The following PTPRN2 variants were observed in gnomAD, a reference collection of about 807,000 sequenced individuals.
PTPRN2 encodes the protein protein tyrosine phosphatase receptor type N2.
A neutral mutation model predicts 118.8 loss-of-function variants in PTPRN2; 74 were observed. The ratio of observed to expected loss-of-function variants is 0.62; its 90% CI spans 0.52 to 0.76. The LOEUF (loss-of-function observed/expected upper bound fraction) is 0.76, where lower values mean the gene tolerates loss of function less well. Ranked by LOEUF, PTPRN2 falls within the 30% of genes least tolerant of loss-of-function variation. The pLI is 0.00. For synonymous variants in PTPRN2, 641 were observed against 608.0 expected (o/e 1.05, Z -0.80); for missense variants, 1,481 against 1,394.4 (o/e 1.06, Z -0.99).
At chr7:157,574,465 A>G (rs1415117820) in intron 19 of PTPRN2, 1 of 516,082 alleles carries the variant, frequency 1.9e-6, no homozygotes, top group Non-Finnish European at 4.1e-6. Flanking sequence ...TACCGTGAGC[A>G]GCGTTAGTGA....
intron 2 of PTPRN2, among the ~76,000 whole-genome samples, chr7:158,453,542 G>A (rs1228597360): frequency 2.6e-5 from 4 of 152,224 alleles, no homozygotes; most frequent in Non-Finnish European, 5.9e-5. Flanking sequence ...ATGAGATGGT[G>A]TGGAACCATA....
chr7:158,145,431 C>T (rs183828804), intron 6 of PTPRN2, among the ~76,000 whole-genome samples: 2 of 152,356 alleles, frequency 1.3e-5, no homozygotes, highest in African/African-American at 4.8e-5. Flanking sequence ...CCACACTCAA[C>T]CATATGAACA....
chr7:158,361,792 C>T (rs1809002943), intron 2 of PTPRN2, among the ~76,000 whole-genome samples: 1 of 152,144 alleles, frequency 6.6e-6, no homozygotes, highest in Non-Finnish European at 1.5e-5. Context: ...GGTGTGGGCT[C>T]ACCTTCACCA....
Position 157,726,953 on chromosome 7 carries a change from T to C in PTPRN2, c.1789-44016A>G, listed in dbSNP as rs1213002461. ...GGGGAAGCATGATTCCTCAGTGCAA[T>C]TCCACCTCATGCCATGTGCGTGACT... On this transcript the variant is annotated intron_variant, in intron 12 of 22. Transcript: ENST00000389418. 2.0e-5 allele frequency among the ~76,000 whole-genome samples: 3 copies of C among 152,200 alleles called. No individual in the cohort carries two copies. The East Asian group carries it at 5.8e-4, about 29-fold the overall frequency.
intron 9 of PTPRN2, 101 bp from the exon 10 acceptor site, chr7:158,111,016 C>T (rs1816213646): frequency 2.0e-6 from 2 of 1,003,682 alleles, no homozygotes; most frequent in Non-Finnish European, 2.9e-6. Context: ...GGTCCCCACA[C>T]ACACCCTGCT....
At chr7:157,680,314 A>G (rs1796859051) in intron 13 of PTPRN2, among the ~76,000 whole-genome samples, 2 of 152,250 alleles carry the variant, frequency 1.3e-5, no homozygotes, top group Admixed American at 1.3e-4. Context: ...TGAGCCAGAA[A>G]TAAATACATT....
intron 2 of PTPRN2, among the ~76,000 whole-genome samples, chr7:158,472,869 CGGCGG>C (rs984143754): frequency 6.6e-5 from 10 of 152,124 alleles, no homozygotes; most frequent in African/African-American, 9.7e-5. Flanking sequence ...GCAGCAGTGG[CGGCGG>C]GGCGGGGGCC....
chr7:157,698,876 T>G (rs777453103), intron 12 of PTPRN2, among the ~76,000 whole-genome samples: 1 of 152,252 alleles, frequency 6.6e-6, no homozygotes, highest in Non-Finnish European at 1.5e-5. Flanking sequence ...TTTTCAAAAC[T>G]GAGCTAAAAT....
In PTPRN2 at chr7:158,278,388, C is replaced by T. The variant is rs139895677; in HGVS notation, c.277+38431G>A. 6.2e-3 allele frequency among the ~76,000 whole-genome samples: 912 copies of T among 147,762 alleles called. 7 individuals carry two copies. The highest frequency in any genetic ancestry group is 8.7e-3 in the Admixed American group (131 of 15,136). On this transcript the variant is annotated intron_variant, in intron 3 of 22. Coordinates refer to ENST00000389418, the MANE Select transcript of PTPRN2 (RefSeq NM_002847.5). ...TTCAGCTGGACGTGAAGGTGGGCAC[C>T]TGTAATCCCAGCTACGCGGGAGGCT...
chr7:158,392,205 C>T (rs923869366), intron 2 of PTPRN2, among the ~76,000 whole-genome samples: 2 of 152,248 alleles, frequency 1.3e-5, no homozygotes, highest in Non-Finnish European at 2.9e-5. Flanking sequence ...AGGGTGAGGA[C>T]TCTGATGTGG....
chr7:158,186,211 A>G (rs1028367663), intron 5 of PTPRN2, among the ~76,000 whole-genome samples: 2 of 152,312 alleles, frequency 1.3e-5, no homozygotes, highest in Non-Finnish European at 2.9e-5. Context: ...TCCAATGCGC[A>G]TGAAAGAAGC....
intron 1 of PTPRN2, among the ~76,000 whole-genome samples, chr7:158,496,244 C>T (rs1821839720): frequency 7.2e-6 from 1 of 139,586 alleles, no homozygotes; most frequent in Admixed American, 7.1e-5. Context: ...CCTCCCCTTC[C>T]CTGCACCCCT....
intron 14 of PTPRN2, among the ~76,000 whole-genome samples, chr7:157,652,349 A>G (rs1392819936): frequency 6.6e-6 from 1 of 152,218 alleles, no homozygotes. Flanking sequence ...CCCTCACAGG[A>G]ACCCCAGGGG....
At chr7:158,372,219 C>G (rs1424439188) in intron 2 of PTPRN2, among the ~76,000 whole-genome samples, 6 of 151,608 alleles carry the variant, frequency 4.0e-5, no homozygotes, top group Non-Finnish European at 7.4e-5. Context: ...GAGCTGGACA[C>G]CCCCAGGCTG....
chr7:158,387,575 T>TA (rs61116708), intron 2 of PTPRN2, among the ~76,000 whole-genome samples: 3 of 150,826 alleles, frequency 2.0e-5, no homozygotes, highest in African/African-American at 7.3e-5. Flanking sequence ...CCCTGTCAGC[T>TA]CAGCTTGGCC....
At chr7:158,135,581 C>T (rs1016762858) in intron 8 of PTPRN2, among the ~76,000 whole-genome samples, 7 of 152,166 alleles carry the variant, frequency 4.6e-5, no homozygotes, top group African/African-American at 1.4e-4. Context: ...GATGAAAAGC[C>T]TGTGGTCTAA....
rs547303889 is a variant in PTPRN2, at chr7:158,509,521, C to A, written c.113-19736G>T. Reference sequence around the variant, plus strand: ...AGTCCTCATCTCTTCTTTCTAGAAACCCAAGTTAAAGATCAAGGTGACACA... The same window carrying A: ...AGTCCTCATCTCTTCTTTCTAGAAAACCAAGTTAAAGATCAAGGTGACACA... On this transcript the variant is annotated intron_variant, in intron 1 of 22. Coordinates refer to ENST00000389418, the MANE Select transcript of PTPRN2 (RefSeq NM_002847.5). This position sits in a 1 kb window ranked among gnomAD's most constrained non-coding sequence, Gnocchi z 4.4. 6.6e-6 allele frequency among the ~76,000 whole-genome samples: 1 copy of A among 152,216 alleles called. No homozygotes were observed. Among genetic ancestry groups the A allele is most frequent in the African/African-American group, 2.4e-5 (1 of 41,458 alleles).
Position 157,999,115 on chromosome 7 carries a change from A to T in PTPRN2, c.1723+82183T>A, listed in dbSNP as rs570653695. Reference sequence around the variant, plus strand: ...TGCCCACCAAGAGGACCTCCTGTAAACGTGAGCCTCATGCCAGAGAACCCA... The same window carrying T: ...TGCCCACCAAGAGGACCTCCTGTAATCGTGAGCCTCATGCCAGAGAACCCA... On this transcript the variant is annotated intron_variant, in intron 11 of 22. Transcript: ENST00000389418. 2.0e-5 allele frequency among the ~76,000 whole-genome samples: 3 copies of T among 151,858 alleles called. No homozygotes were observed. In the East Asian group the frequency reaches 5.9e-4, roughly 30 times the overall value.
chr7:158,076,393 C>T (rs751529879), intron 11 of PTPRN2, among the ~76,000 whole-genome samples: 10 of 152,216 alleles, frequency 6.6e-5, no homozygotes, highest in Non-Finnish European at 1.2e-4. Context: ...GCGTGGCCTC[C>T]CTGGGGAGCT....
Sources: gnomAD v4.1 joint callset for allele counts (sites outside exome capture counted in the v4.1 genomes callset) on GRCh38, gnomAD v4.1.1 for gene constraint, Gnocchi (gnomAD v3.1) non-coding constraint, MANE v1.5 for transcripts, NCBI Gene and HGNC (gene_info 2026-07-23, HGNC 2026-07-21) for gene names.